Variants in GCNT2 observed in about 807,000 individuals in gnomAD.
GCNT2 encodes glucosaminyl (N-acetyl) transferase 2 (I blood group).
A neutral mutation model predicts 34.2 loss-of-function variants in GCNT2; 34 were observed. The ratio of observed to expected loss-of-function variants is 1.00; its 90% CI spans 0.76 to 1.32. The LOEUF (loss-of-function observed/expected upper bound fraction) is 1.32, where lower values mean the gene tolerates loss of function less well. Ranked by LOEUF, GCNT2 falls within the 40% of genes most tolerant of loss-of-function variation. The pLI, the probability that GCNT2 is intolerant of heterozygous loss-of-function variation, is 0.00. For synonymous variants in GCNT2, 212 were observed against 188.0 expected (o/e 1.13, Z -1.04); for missense variants, 584 against 489.4 (o/e 1.19, Z -1.82).
In GCNT2 at chr6:10,528,729, G is replaced by C; in HGVS notation, c.-183G>C. 2 of 634,836 alleles carry C rather than the reference G, an allele frequency of 3.2e-6. No individual in the cohort carries two copies. The highest frequency in any genetic ancestry group is 5.6e-6 in the Non-Finnish European group (2 of 358,180). 39.3% of individuals were successfully genotyped at this position (634,836 alleles called of 1,614,324 possible). On this transcript the variant is annotated 5_prime_UTR_variant, in exon 3 of 5. Transcript: ENST00000495262. ...AAGTGAAAATGCAACCTAGTGGTAA[G>C]TGAAGAGGGGAAGAAGAAAGAAAAA...
chr6:10,544,175 G>A (rs546590382), intron 3 of GCNT2, among the ~76,000 whole-genome samples: 5 of 152,208 alleles, frequency 3.3e-5, no homozygotes, highest in South Asian at 2.1e-4. Context: ...TTAGCCGGGC[G>A]TGGTGGTGTG....
At chr6:10,556,834 G>A (rs1213643512) in intron 3 of GCNT2, 4 of 1,614,126 alleles carry the variant, frequency 2.5e-6, no homozygotes, top group Non-Finnish European at 3.4e-6. Flanking sequence ...TTAAAGATGC[G>A]GTAGAGCAAC....
chr6:10,578,810 C>T (rs1169677169), intron 3 of GCNT2, among the ~76,000 whole-genome samples: 1 of 152,028 alleles, frequency 6.6e-6, no homozygotes, highest in Non-Finnish European at 1.5e-5. Context: ...ATGAAGTTAA[C>T]TTAGATCCAT....
At chr6:10,523,638 C>T (rs1032795007) in intron 1 of GCNT2, among the ~76,000 whole-genome samples, 2 of 152,154 alleles carry the variant, frequency 1.3e-5, no homozygotes, top group Non-Finnish European at 2.9e-5. Flanking sequence ...CCAGAATCCT[C>T]CCAGCATGGC....
intron 3 of GCNT2, among the ~76,000 whole-genome samples, chr6:10,553,035 T>G (rs1324478315): frequency 6.6e-6 from 1 of 152,190 alleles, no homozygotes; most frequent in Admixed American, 6.5e-5. Context: ...TTGCTTTCAT[T>G]CAACTTTACA....
chr6:10,521,930 C>T (rs1243192466), intron 1 of GCNT2, among the ~76,000 whole-genome samples: 1 of 150,810 alleles, frequency 6.6e-6, no homozygotes, highest in African/African-American at 2.4e-5. Flanking sequence ...GACATAGTCT[C>T]ACTCTGTCAC....
intron 3 of GCNT2, among the ~76,000 whole-genome samples, chr6:10,582,394 A>T (rs1764146411): frequency 8.3e-6 from 1 of 121,130 alleles, no homozygotes; most frequent in Non-Finnish European, 1.6e-5. Flanking sequence ...TTTATTATAT[A>T]CTATAATAAA....
intron 3 of GCNT2, among the ~76,000 whole-genome samples, chr6:10,560,639 G>C (rs939033975): frequency 6.6e-6 from 1 of 152,138 alleles, no homozygotes; most frequent in Admixed American, 6.5e-5. Flanking sequence ...CTTAGAATTA[G>C]ATGGTTTCAG....
intron 3 of GCNT2, among the ~76,000 whole-genome samples, chr6:10,600,764 A>T (rs921691241): frequency 2.0e-5 from 3 of 151,712 alleles, no homozygotes; most frequent in South Asian, 2.1e-4. Context: ...TTTTATTTTT[A>T]TTTATTTATT....
chr6:10,566,933 A>G (rs756603389), intron 3 of GCNT2, among the ~76,000 whole-genome samples: 2 of 152,212 alleles, frequency 1.3e-5, no homozygotes, highest in Non-Finnish European at 1.5e-5. Flanking sequence ...AGGCTCACTA[A>G]TGTTAAAGGA....
rs1762400347 is a variant in GCNT2 at position 10,549,561 on chromosome 6, CTCTTTTTTTT to C, written c.925+19727_925+19736del. ...ACTTCCTTTCTCTCTCAATCTCTCT[CTCTTTTTTTT>C]TTTTTTTTTTTTTTTTTTGAGACAG... On this transcript the variant is annotated intron_variant, in intron 3 of 4. Coordinates refer to ENST00000495262, the MANE Select transcript of GCNT2 (RefSeq NM_145649.5). Among the ~76,000 whole-genome samples the C allele has an allele frequency of 2.7e-5, 3 of 111,316 alleles. 1 individual carries two copies. Among genetic ancestry groups the C allele is most frequent in the African/African-American group, 1.3e-4 (3 of 23,682 alleles). 73.0% of individuals were successfully genotyped at this position (111,316 alleles called of 152,430 possible). A position where few individuals can be genotyped will look rare whatever the true frequency, so the allele number is the denominator to read the frequency against.
intron 3 of GCNT2, chr6:10,586,497 G>T: frequency 6.2e-7 from 1 of 1,614,160 alleles, no homozygotes; most frequent in Non-Finnish European, 8.5e-7. Flanking sequence ...ACTCCAGGCT[G>T]ACCTGAACTG....
At chr6:10,568,303 C>G (rs940844955) in intron 3 of GCNT2, among the ~76,000 whole-genome samples, 2 of 152,178 alleles carry the variant, frequency 1.3e-5, no homozygotes, top group African/African-American at 4.8e-5. Context: ...CACTCACAGT[C>G]TCTGTGGTAT....
intron 3 of GCNT2, among the ~76,000 whole-genome samples, chr6:10,548,157 T>A (rs1376075768): frequency 3.3e-5 from 5 of 152,198 alleles, no homozygotes; most frequent in Admixed American, 6.5e-5. Flanking sequence ...CCTAGGAGTT[T>A]GAGGCTGCAG....
chr6:10,523,557 T>A (rs972337804), intron 1 of GCNT2, among the ~76,000 whole-genome samples: 1 of 152,170 alleles, frequency 6.6e-6, no homozygotes, highest in Non-Finnish European at 1.5e-5. Context: ...CCCCACAGCT[T>A]TCCATCCAGG....
At chr6:10,572,079 T>G (rs940232978) in intron 3 of GCNT2, among the ~76,000 whole-genome samples, 1 of 152,166 alleles carries the variant, frequency 6.6e-6, no homozygotes, top group Admixed American at 6.5e-5. Flanking sequence ...GCTCTAGTAC[T>G]GAAATCCCGT....
chr6:10,529,582 A>T lies in GCNT2; in HGVS notation c.671A>T (p.His224Leu), dbSNP rs754493637. The stretch of plus-strand genomic sequence containing the variant: ...ACCCCCGGAGTGCTGCCTCCTGACC[A>T]CGCTGTTGGACGGACTAAATACGTC... The part of the protein sequence containing the change: ...NITPGVLPPD[H>L]AVGRTKYVHQ... The change falls in exon 3 of 5, where the codon CAC becomes CTC. Residue 224 changes from histidine (H) to leucine (L), a missense_variant. Physicochemically the swap from His to Leu is moderately conservative, Grantham distance 99 (BLOSUM62 -3). Coordinates refer to ENST00000495262, the MANE Select transcript of GCNT2 (RefSeq NM_145649.5). 1.5e-5 allele frequency: 24 copies of T among 1,614,064 alleles called. No individual in the cohort carries two copies. The highest frequency in any genetic ancestry group is 2.0e-5 in the Non-Finnish European group (24 of 1,180,004).
intron 1 of GCNT2, among the ~76,000 whole-genome samples, chr6:10,523,190 G>C (rs1366901415): frequency 6.6e-6 from 1 of 152,142 alleles, no homozygotes; most frequent in Admixed American, 6.5e-5. Flanking sequence ...GGGAGGCCGA[G>C]TCAGGCGGAT....
chr6:10,546,488 C>A (rs1169059629), intron 3 of GCNT2, among the ~76,000 whole-genome samples: 1 of 152,062 alleles, frequency 6.6e-6, no homozygotes, highest in Non-Finnish European at 1.5e-5. Flanking sequence ...GAAACCCTGT[C>A]TCTACTAAAA....
Sources: gnomAD v4.1 joint callset for allele counts (sites outside exome capture counted in the v4.1 genomes callset) on GRCh38, gnomAD v4.1.1 for gene constraint, MANE v1.5 for transcripts, NCBI Gene and HGNC (gene_info 2026-07-23, HGNC 2026-07-21) for gene names.